SLC35E2B: variants seen among roughly 807,000 people sequenced by gnomAD.
SLC35E2B encodes the protein solute carrier family 35 member E2B, also known as solute carrier family 35, member E2B.
Under a neutral mutation model 32.4 loss-of-function variants are expected in SLC35E2B, and 18 were observed. The observed-to-expected ratio is 0.56, with a 90% CI of 0.38 to 0.82. The LOEUF is 0.82. SLC35E2B is among the 40% of genes least tolerant of loss of function. The pLI is 0.00. For missense variants in SLC35E2B, 263 were observed against 469.5 expected, an observed-to-expected ratio of 0.56 and a Z score of 4.06; for synonymous variants, 132 against 209.1, an observed-to-expected ratio of 0.63 and a Z score of 3.18.
intron 7 of SLC35E2B, 62 bp from the exon 8 acceptor site, chr1:1,669,798 C>T (rs1360406133): frequency 2.6e-6 from 4 of 1,509,666 alleles, no homozygotes; most frequent in African/African-American, 1.4e-5. Flanking sequence ...ACACGCAGCT[C>T]CCTCACAGCA....
At chr1:1,666,886 GC>G (rs1387609120) in intron 9 of SLC35E2B, among the ~76,000 whole-genome samples, 4 of 151,590 alleles carry the variant, frequency 2.6e-5, no homozygotes, top group African/African-American at 7.3e-5. Context: ...CGGGCGGATC[GC>G]CTGAGGTCAG....
At position 1,669,760 on chromosome 1, in the gene SLC35E2B, G is replaced by GC. The variant is rs769145769; in HGVS notation, c.762-25dup. ...CCCTGTGGGTGACAGAACACGCTGG[G>GC]CCCCCCGTGTCGGGACAGGCCGAGT... is the stretch of plus-strand genomic sequence containing the variant. On this transcript the variant is annotated intron_variant, in intron 7 of 9. Transcript: ENST00000617444. The GC allele has an allele frequency of 1.3e-4, 198 of 1,548,032 alleles. 1 individual carries two copies. The African/African-American group carries it at 1.4e-3, about 11-fold the overall frequency.
chr1:1,684,753 G>C (rs1643930813), intron 2 of SLC35E2B, among the ~76,000 whole-genome samples: 1 of 127,880 alleles, frequency 7.8e-6, no homozygotes, highest in Non-Finnish European at 1.6e-5. Context: ...TCGCGCCATT[G>C]CACTCCAGCC....
In SLC35E2B at chr1:1,689,673, A is replaced by G. The variant is rs531094664; in HGVS notation, c.-148+1303T>C. Among the ~76,000 whole-genome samples, 5 of 151,564 alleles carry G rather than the reference A, an allele frequency of 3.3e-5. No homozygotes were observed. In the East Asian group the frequency reaches 9.6e-4, roughly 29 times the overall value. On this transcript the variant is annotated intron_variant, in intron 2 of 9. Coordinates refer to ENST00000617444, the MANE Select transcript of SLC35E2B (RefSeq NM_001290264.2). ...GGTGGACTAACTTGGCTAAATGAAG[A>G]ATTCTGTTTCACCAAAGTACACCAC...
At chr1:1,672,265 C>T (rs1643714557) in intron 5 of SLC35E2B, 1 of 152,330 alleles carries the variant, frequency 6.6e-6, no homozygotes, top group South Asian at 2.1e-4. Context: ...GGAAGATCAC[C>T]TGCACGGGGG....
At chr1:1,680,011 C>T (rs1055603628) in intron 2 of SLC35E2B, among the ~76,000 whole-genome samples, 7 of 151,724 alleles carry the variant, frequency 4.6e-5, no homozygotes, top group Non-Finnish European at 1.5e-5. Flanking sequence ...CCTGTAATCC[C>T]AGCTACTCAG....
At chr1:1,686,362 C>T (rs530547608) in intron 2 of SLC35E2B, among the ~76,000 whole-genome samples, 2 of 146,248 alleles carry the variant, frequency 1.4e-5, no homozygotes, top group East Asian at 2.0e-4. Flanking sequence ...GTTAGAATTC[C>T]GGATTGGGCA....
Position 1,665,019 on chromosome 1 carries a change from A to G in SLC35E2B, c.*763T>C. ...CTCAACCTCAGGGCTGGAAACCCCC[A>G]CAGGTAGGAGGGCAGGGTGCCCTGG... On this transcript the variant is annotated 3_prime_UTR_variant, in exon 10 of 10. Transcript: ENST00000617444. 3.1e-6 allele frequency: 3 copies of G among 976,868 alleles called. No homozygotes were observed. Among genetic ancestry groups the G allele is most frequent in the Non-Finnish European group, 3.6e-6 (3 of 822,104 alleles). The allele number at this position is 976,868 out of a possible 1,614,324, so 60.5% of individuals were successfully genotyped here. A position where few individuals can be genotyped will look rare whatever the true frequency, so the allele number is the denominator to read the frequency against.
At chr1:1,666,130 C>T (rs1643539390) in intron 9 of SLC35E2B, 111 bp from the exon 10 acceptor site, 6 of 1,295,430 alleles carry the variant, frequency 4.6e-6, no homozygotes, top group African/African-American at 1.5e-5. Context: ...TTGGGGGACT[C>T]AGCGTCACGG....
chr1:1,671,414 G>C, intron 6 of SLC35E2B, 95 bp downstream of exon 6: 1 of 1,277,346 alleles, frequency 7.8e-7, no homozygotes, highest in South Asian at 2.4e-5. Flanking sequence ...TTTGGCTCAC[G>C]GGAGGAATTC....
intron 8 of SLC35E2B, among the ~76,000 whole-genome samples, chr1:1,668,943 A>C (rs1050046179): frequency 7.3e-5 from 11 of 151,408 alleles, no homozygotes; most frequent in Non-Finnish European, 1.6e-4. Flanking sequence ...GTGAGCTGAG[A>C]TCGCACCACT....
intron 2 of SLC35E2B, among the ~76,000 whole-genome samples, chr1:1,687,747 A>G (rs1383283401): frequency 2.0e-5 from 3 of 151,416 alleles, no homozygotes; most frequent in Non-Finnish European, 4.4e-5. Context: ...AAAAAAAAAA[A>G]AAAGATTAAT....
chr1:1,687,236 T>C (rs28541555), intron 2 of SLC35E2B, among the ~76,000 whole-genome samples: 1 of 151,972 alleles, frequency 6.6e-6, no homozygotes, highest in Non-Finnish European at 1.5e-5. Flanking sequence ...CAGTCACACC[T>C]GCACAGCGCG....
chr1:1,667,432 A>ATAAAG (rs1269840604), intron 9 of SLC35E2B, among the ~76,000 whole-genome samples: 2 of 151,674 alleles, frequency 1.3e-5, no homozygotes, highest in Non-Finnish European at 2.9e-5. Context: ...AATAAATAAA[A>ATAAAG]TAAAATACAT....
At position 1,690,245 on chromosome 1, in the gene SLC35E2B, A is replaced by G. The variant is rs1644002366; in HGVS notation, c.-148+731T>C. 1.4e-5 allele frequency among the ~76,000 whole-genome samples: 2 copies of G among 147,424 alleles called. 1 individual carries two copies. Among genetic ancestry groups the G allele is most frequent in the South Asian group, 4.3e-4 (2 of 4,642 alleles). ...TGATGAGCCAAGATCGCGCCATTGC[A>G]CAACAGCCTGGGCAATAAGAACAAA... On this transcript the variant is annotated intron_variant, in intron 2 of 9. Coordinates refer to ENST00000617444, the MANE Select transcript of SLC35E2B (RefSeq NM_001290264.2).
In SLC35E2B at chr1:1,663,308, G is replaced by A. The variant is rs1176630370; in HGVS notation, c.*2474C>T. 1.0e-6 allele frequency: 1 copy of A among 981,182 alleles called. No homozygotes were observed. Among genetic ancestry groups the A allele is most frequent in the Non-Finnish European group, 1.2e-6 (1 of 827,156 alleles). 60.8% of individuals were successfully genotyped at this position (981,182 alleles called of 1,614,324 possible). A position where few individuals can be genotyped will look rare whatever the true frequency, so the allele number is the denominator to read the frequency against. On this transcript the variant is annotated 3_prime_UTR_variant, in exon 10 of 10. Coordinates refer to ENST00000617444, the MANE Select transcript of SLC35E2B (RefSeq NM_001290264.2). ...GATGCTGTGCGGCTGGAAATTCCAA[G>A]GTGCTCAGAACCAGGCGCCTGCACC...
At chr1:1,670,308 G>A (rs1415750111) in intron 6 of SLC35E2B, 157 bp from the exon 7 acceptor site, 1 of 605,484 alleles carries the variant, frequency 1.7e-6, no homozygotes, top group East Asian at 2.9e-5. Context: ...TTTTAGTAGA[G>A]ATAGGGTTTC....
intron 9 of SLC35E2B, among the ~76,000 whole-genome samples, chr1:1,667,013 GAGAAT>G (rs1557750124): frequency 6.9e-5 from 1 of 14,512 alleles, no homozygotes; most frequent in Non-Finnish European, 2.3e-4. Flanking sequence ...GCTGAGGCAG[GAGAAT>G]CACTTCAACC....
intron 2 of SLC35E2B, among the ~76,000 whole-genome samples, chr1:1,688,695 C>T (rs1441176838): frequency 3.3e-5 from 5 of 151,420 alleles, no homozygotes; most frequent in South Asian, 4.2e-4. Context: ...AAGCTATGCA[C>T]GCACAAAGCA....
Sources: allele counts gnomAD v4.1 joint callset (sites outside exome capture counted in the v4.1 genomes callset), GRCh38; gene constraint gnomAD v4.1.1; transcripts MANE v1.5; gene names NCBI Gene and HGNC (gene_info 2026-07-23, HGNC 2026-07-21).